Variants in NTM observed in about 807,000 individuals in gnomAD.
NTM encodes the protein neurotrimin, also known as IgLON family member 2.
NTM carries 13 observed loss-of-function variants against 42.1 expected under a neutral mutation model. That is an observed-to-expected ratio of 0.31 (90% CI 0.20 to 0.49). NTM has a LOEUF of 0.49. NTM is among the 20% of genes least tolerant of loss of function. The pLI is 0.99. For missense variants in NTM, 373 were observed against 452.8 expected, an observed-to-expected ratio of 0.82 and a Z score of 1.60; for synonymous variants, 187 against 179.2, an observed-to-expected ratio of 1.04 and a Z score of -0.35.
At chr11:131,660,658 C>G (rs994189158) in intron 1 of NTM, 1 of 445,078 alleles carries the variant, frequency 2.2e-6, no homozygotes, top group Non-Finnish European at 4.5e-6. Context: ...TCCTTCCTGA[C>G]CTTTCATCCA....
chr11:131,950,252 C>T (rs1175464407), intron 2 of NTM, among the ~76,000 whole-genome samples: 1 of 152,184 alleles, frequency 6.6e-6, no homozygotes, highest in East Asian at 1.9e-4. Context: ...CAGAAGGATG[C>T]TCCTGAAGTT....
rs1406263929 is a variant in NTM, at chr11:132,028,753, TA to T, written c.167+117107del. Among the ~76,000 whole-genome samples the T allele has an allele frequency of 2.6e-5, 4 of 152,312 alleles. No individual in the cohort carries two copies. In the East Asian group the frequency reaches 5.8e-4, roughly 22 times the overall value. ...CCTGCATCATTAGGCTCTGGTAATA[TA>T]ATTTCTATTGAGGGCAGGCCTTCAT... is the stretch of plus-strand genomic sequence containing the variant. On this transcript the variant is annotated intron_variant, in intron 2 of 8. Coordinates refer to ENST00000683400, the MANE Select transcript of NTM (RefSeq NM_001352005.2).
At chr11:131,755,327 C>T (rs2083183545) in intron 1 of NTM, among the ~76,000 whole-genome samples, 1 of 152,068 alleles carries the variant, frequency 6.6e-6, no homozygotes, top group South Asian at 2.1e-4. Flanking sequence ...CCCAATGACC[C>T]TGGGGGTGAA....
chr11:132,212,280 A>G (rs2082986497), intron 4 of NTM, 133 bp downstream of exon 4: 2 of 677,802 alleles, frequency 3.0e-6, no homozygotes, highest in Admixed American at 2.5e-5. Context: ...TAATCTACTC[A>G]TGGCTCTGCA....
chr11:131,920,746 G>T (rs994837873), intron 2 of NTM, among the ~76,000 whole-genome samples: 3 of 152,162 alleles, frequency 2.0e-5, no homozygotes, highest in Admixed American at 6.5e-5. Context: ...CTTGCTGATG[G>T]ATTTCTTAAA....
chr11:131,774,453 G>C (rs571221680), intron 1 of NTM, among the ~76,000 whole-genome samples: 1 of 152,254 alleles, frequency 6.6e-6, no homozygotes, highest in Admixed American at 6.5e-5. Flanking sequence ...TGGTAAAATA[G>C]TACACATTTT....
chr11:131,729,470 G>A (rs2079366363), intron 1 of NTM, among the ~76,000 whole-genome samples: 2 of 152,142 alleles, frequency 1.3e-5, no homozygotes, highest in South Asian at 4.1e-4. Flanking sequence ...CCCTTTTAAA[G>A]TGCATAATAT....
intron 1 of NTM, among the ~76,000 whole-genome samples, chr11:131,815,496 A>T (rs1472900845): frequency 6.6e-6 from 1 of 152,184 alleles, no homozygotes; most frequent in Non-Finnish European, 1.5e-5. Context: ...GACACTCAGT[A>T]TGGACTGGTA....
intron 1 of NTM, among the ~76,000 whole-genome samples, chr11:131,401,831 T>TGTGTATATATATATATATATAA (rs1945236743): frequency 1.1e-5 from 1 of 94,034 alleles, no homozygotes; most frequent in Non-Finnish European, 2.2e-5. Flanking sequence ...TATATATATA[T>TGTGTATATATATATATATATAA]ATATATATAT....
At chr11:131,928,169 A>C (rs952381405) in intron 2 of NTM, among the ~76,000 whole-genome samples, 11 of 151,942 alleles carry the variant, frequency 7.2e-5, no homozygotes, top group Admixed American at 5.2e-4. Context: ...ACTTAATGAG[A>C]ACCTATGCTT....
intron 1 of NTM, chr11:131,540,683 G>A (rs2053110163): frequency 6.6e-6 from 1 of 152,172 alleles, no homozygotes; most frequent in African/African-American, 2.4e-5. Flanking sequence ...CATTCTTCAA[G>A]ACTTAAAGGT....
At chr11:131,741,687 A>G (rs2081220947) in intron 1 of NTM, among the ~76,000 whole-genome samples, 1 of 152,244 alleles carries the variant, frequency 6.6e-6, no homozygotes, top group South Asian at 2.1e-4. Flanking sequence ...TGAATATATA[A>G]ATAAAGGATG....
intron 2 of NTM, among the ~76,000 whole-genome samples, chr11:132,049,767 G>A (rs2078585137): frequency 6.6e-6 from 1 of 152,150 alleles, no homozygotes; most frequent in African/African-American, 2.4e-5. Flanking sequence ...AAAAGACAAA[G>A]CAAGGAGGGA....
At chr11:131,434,376 A>G (rs1264806337) in intron 1 of NTM, among the ~76,000 whole-genome samples, 1 of 152,178 alleles carries the variant, frequency 6.6e-6, no homozygotes, top group Non-Finnish European at 1.5e-5. Context: ...GTCTTCCACA[A>G]TGGCTGAACT....
At chr11:131,985,477 G>C (rs924423143) in intron 2 of NTM, among the ~76,000 whole-genome samples, 1 of 152,118 alleles carries the variant, frequency 6.6e-6, no homozygotes, top group East Asian at 1.9e-4. Flanking sequence ...TCCATCCTTT[G>C]CCCATGCAAC....
chr11:132,065,286 A>G, intron 2 of NTM, among the ~76,000 whole-genome samples: 1 of 152,184 alleles, frequency 6.6e-6, no homozygotes, highest in Non-Finnish European at 1.5e-5. Context: ...TCCTCACCAC[A>G]TACATGCAAC....
intron 2 of NTM, among the ~76,000 whole-genome samples, chr11:132,001,428 G>C (rs2069206759): frequency 6.6e-6 from 1 of 152,226 alleles, no homozygotes; most frequent in Non-Finnish European, 1.5e-5. Flanking sequence ...ATAAAGAAAA[G>C]AGGTTTAATT....
intron 1 of NTM, among the ~76,000 whole-genome samples, chr11:131,497,237 G>A (rs974991899): frequency 2.0e-5 from 3 of 152,082 alleles, no homozygotes; most frequent in African/African-American, 4.8e-5. Context: ...CACCCAGCCT[G>A]GAGTGCAGAG....
At chr11:131,673,432 C>T (rs1055909592) in intron 1 of NTM, among the ~76,000 whole-genome samples, 7 of 152,142 alleles carry the variant, frequency 4.6e-5, no homozygotes, top group Non-Finnish European at 7.3e-5. Flanking sequence ...CAGGCCTGTA[C>T]TTTGTAAGAA....
Sources: gnomAD v4.1 joint callset for allele counts (sites outside exome capture counted in the v4.1 genomes callset) on GRCh38, gnomAD v4.1.1 for gene constraint, MANE v1.5 for transcripts, NCBI Gene and HGNC (gene_info 2026-07-23, HGNC 2026-07-21) for gene names.